The following SMURF1 variants were observed in gnomAD, a reference collection of about 807,000 sequenced individuals.
SMURF1 encodes the protein SMAD specific E3 ubiquitin protein ligase 1.
SMURF1 carries 44 observed loss-of-function variants against 98.0 expected under a neutral mutation model. The ratio of observed to expected loss-of-function variants is 0.45; its 90% CI spans 0.35 to 0.58. SMURF1 has a LOEUF of 0.58. Ranked by LOEUF, SMURF1 falls within the 20% of genes least tolerant of loss-of-function variation. The pLI, the probability that SMURF1 is intolerant of heterozygous loss-of-function variation, is 0.00. For missense variants in SMURF1, 687 were observed against 938.4 expected (o/e 0.73, Z 3.50); for synonymous variants, 396 against 374.9 (o/e 1.06, Z -0.65).
intron 1 of SMURF1, 107 bp downstream of exon 1, chr7:99,143,619 G>T: frequency 1.0e-6 from 1 of 958,462 alleles, no homozygotes; most frequent in Non-Finnish European, 1.5e-6. Flanking sequence ...CGAGGTCCTG[G>T]GACAACGGCC....
At chr7:99,080,279 AC>A (rs542689488) in intron 1 of SMURF1, among the ~76,000 whole-genome samples, 144 of 152,072 alleles carry the variant, frequency 9.5e-4, no homozygotes, top group African/African-American at 3.4e-3. Context: ...AAAGCACTAA[AC>A]CTAGATAAGT....
chr7:99,106,435 A>C (rs1797195467), intron 1 of SMURF1, among the ~76,000 whole-genome samples: 2 of 152,190 alleles, frequency 1.3e-5, no homozygotes, highest in Admixed American at 1.3e-4. Flanking sequence ...TTATGGTCTG[A>C]ATGTGCACAC....
intron 1 of SMURF1, among the ~76,000 whole-genome samples, chr7:99,089,940 C>G (rs908610692): frequency 1.3e-5 from 2 of 152,140 alleles, no homozygotes; most frequent in Admixed American, 6.5e-5. Flanking sequence ...GGTTATTCTT[C>G]ATTTTAATAA....
At chr7:99,116,030 T>C (rs1350200647) in intron 1 of SMURF1, among the ~76,000 whole-genome samples, 1 of 152,094 alleles carries the variant, frequency 6.6e-6, no homozygotes, top group Non-Finnish European at 1.5e-5. Context: ...CAGATGCAAA[T>C]AATCCTCAAC....
intron 1 of SMURF1, among the ~76,000 whole-genome samples, chr7:99,089,119 G>A (rs150259994): frequency 0.018 from 2,768 of 150,644 alleles, 32 homozygotes; most frequent in South Asian, 0.03. Flanking sequence ...CAGGAGAATC[G>A]CTTGAACCTG....
chr7:99,067,068 T>C (rs888830254), intron 1 of SMURF1, among the ~76,000 whole-genome samples: 2 of 150,878 alleles, frequency 1.3e-5, no homozygotes, highest in African/African-American at 4.9e-5. Context: ...TGATCTCGGC[T>C]CACTGCAACC....
chr7:99,094,225 G>C (rs1321337301), intron 1 of SMURF1, among the ~76,000 whole-genome samples: 2 of 152,066 alleles, frequency 1.3e-5, no homozygotes, highest in African/African-American at 4.8e-5. Context: ...ACAACGAATA[G>C]CTTTCTATAT....
At chr7:99,109,397 G>T (rs942291668) in intron 1 of SMURF1, among the ~76,000 whole-genome samples, 1 of 152,100 alleles carries the variant, frequency 6.6e-6, no homozygotes, top group Non-Finnish European at 1.5e-5. Flanking sequence ...AGTTGACTTG[G>T]CACCCACCAG....
intron 1 of SMURF1, among the ~76,000 whole-genome samples, chr7:99,123,579 G>A (rs995636852): frequency 6.6e-6 from 1 of 152,238 alleles, no homozygotes. Context: ...GTTGGTAAGA[G>A]GGGATGGGAA....
intron 1 of SMURF1, chr7:99,120,546 T>G (rs183348991): frequency 6.6e-6 from 1 of 151,386 alleles, no homozygotes; most frequent in African/African-American, 2.4e-5. Context: ...TGATTCTGTC[T>G]ACAATGGCAG....
rs1795331184 is a variant in SMURF1 at position 99,040,360 on chromosome 7, C to T, written c.1550+18G>A. 4 of 1,460,830 alleles carry T rather than the reference C, an allele frequency of 2.7e-6. No homozygotes were observed. In the African/African-American group the frequency reaches 4.3e-5, roughly 16 times the overall value. 90.5% of individuals were successfully genotyped at this position (1,460,830 alleles called of 1,614,324 possible). On this transcript the variant is annotated intron_variant, in intron 13 of 17. Transcript: ENST00000361368. ...GGTGGGCCCTAAGCCAGGTGACCGGCCGTCAGTCAATACTTACAGGATCCA... is the reference window on the plus strand; with the variant it reads ...GGTGGGCCCTAAGCCAGGTGACCGGTCGTCAGTCAATACTTACAGGATCCA...
intron 1 of SMURF1, among the ~76,000 whole-genome samples, chr7:99,070,449 A>G (rs1201380603): frequency 6.6e-6 from 1 of 152,312 alleles, no homozygotes. Context: ...ATCCCACTCT[A>G]CATTAATGCG....
intron 1 of SMURF1, among the ~76,000 whole-genome samples, chr7:99,131,328 G>A (rs1797867800): frequency 6.6e-6 from 1 of 152,082 alleles, no homozygotes; most frequent in African/African-American, 2.4e-5. Flanking sequence ...AAAAATCAAT[G>A]AATACCCTCC....
Position 99,040,415 on chromosome 7 carries a change from C to T in SMURF1, c.1513G>A (p.Val505Met), listed in dbSNP as rs866598496. Residue 505 changes from valine to methionine, a missense_variant, in exon 13 of 18, where the codon GTG becomes ATG. This residue lies in a region of SMURF1 where 272 missense variants were observed against 430.0 expected (regional missense o/e 0.63). Transcript: ENST00000361368. The part of the protein sequence containing the change: ...KPIQLSDLES[V>M]DPELHKSLVW... ...AAGCTCTTATGCAGCTCTGGGTCCACAGATTCCAGATCTGAGAGCTGGATG... is the reference window on the plus strand; with the variant it reads ...AAGCTCTTATGCAGCTCTGGGTCCATAGATTCCAGATCTGAGAGCTGGATG... 23 of 1,579,514 alleles carry T rather than the reference C, an allele frequency of 1.5e-5. No homozygotes were observed. The Middle Eastern group carries it at 6.7e-4, about 46-fold the overall frequency.
chr7:99,071,799 C>A (rs1478517509), intron 1 of SMURF1, among the ~76,000 whole-genome samples: 1 of 152,148 alleles, frequency 6.6e-6, no homozygotes, highest in Admixed American at 6.6e-5. Context: ...CAAGGCCAGA[C>A]TCAGCGGCTC....
At chr7:99,059,777 G>A (rs1243694334) in intron 3 of SMURF1, among the ~76,000 whole-genome samples, 2 of 151,774 alleles carry the variant, frequency 1.3e-5, no homozygotes, top group Non-Finnish European at 2.9e-5. Context: ...GCATGCTGGC[G>A]GATGCCTGTA....
At chr7:99,140,793 C>CT (rs57050114) in intron 1 of SMURF1, among the ~76,000 whole-genome samples, 2,952 of 146,430 alleles carry the variant, frequency 0.02, 37 homozygotes, top group African/African-American at 0.027. Flanking sequence ...TTTTAACAGT[C>CT]TTTTTTTTTT....
intron 14 of SMURF1, among the ~76,000 whole-genome samples, chr7:99,037,889 A>T (rs559658287): frequency 2.0e-5 from 3 of 152,370 alleles, no homozygotes; most frequent in Admixed American, 6.5e-5. Context: ...GTAAAAATTT[A>T]AAAATTGTTT....
intron 13 of SMURF1, among the ~76,000 whole-genome samples, chr7:99,039,193 CAAAAAAAA>C (rs34106810): frequency 3.0e-4 from 18 of 60,490 alleles, no homozygotes; most frequent in East Asian, 2.0e-3. Context: ...GACTCTGTCT[CAAAAAAAA>C]AAAAAAAAAA....
Sources: gnomAD v4.1 joint callset for allele counts (sites outside exome capture counted in the v4.1 genomes callset) on GRCh38, gnomAD v4.1.1 for gene constraint, gnomAD v4.1.1 regional missense constraint, MANE v1.5 for transcripts, NCBI Gene and HGNC (gene_info 2026-07-23, HGNC 2026-07-21) for gene names.